HNRNPF: variants seen among roughly 807,000 people sequenced by gnomAD.
HNRNPF encodes the protein HnRNP F protein.
In HNRNPF, 2 loss-of-function variants were observed where a neutral mutation model predicts 26.0. The ratio of observed to expected loss-of-function variants is 0.08; its 90% CI spans 0.03 to 0.24. HNRNPF has a LOEUF of 0.24. HNRNPF is among the 10% of genes least tolerant of loss of function. The pLI, the probability that HNRNPF is intolerant of heterozygous loss-of-function variation, is 1.00. For synonymous variants in HNRNPF, 234 were observed against 211.5 expected (o/e 1.11, Z -0.92); for missense variants, 299 against 539.2 (o/e 0.55, Z 4.41).
intron 1 of HNRNPF, among the ~76,000 whole-genome samples, chr10:43,400,591 T>A (rs1464071670): frequency 1.3e-5 from 2 of 152,210 alleles, no homozygotes; most frequent in East Asian, 3.8e-4. Flanking sequence ...CCAGCAATTT[T>A]ATAAAATTCC....
rs151043426 is a variant in HNRNPF at position 43,386,982 on chromosome 10, G to C, written c.903C>G (p.Thr301=). The change falls in exon 4 of 4, where the codon ACC becomes ACG. Residue 301 remains threonine (T), a synonymous_variant. Coordinates refer to ENST00000682386, the MANE Select transcript of HNRNPF (RefSeq NM_001098204.2). The part of the protein sequence containing the change: ...VHMRGLPYKA[T]ENDIYNFFSP... ...AGAAGAAGTTGTAAATGTCGTTCTC[G>C]GTCGCTTTGTACGGCAGGCCCCTCA... is the stretch of plus-strand genomic sequence containing the variant. 3 of 1,614,038 alleles carry C rather than the reference G, an allele frequency of 1.9e-6. No individual in the cohort carries two copies. The highest frequency in any genetic ancestry group is 2.2e-5 in the East Asian group (1 of 44,872).
intron 1 of HNRNPF, among the ~76,000 whole-genome samples, chr10:43,404,034 C>T (rs1002902813): frequency 6.6e-6 from 1 of 151,644 alleles, no homozygotes; most frequent in South Asian, 2.1e-4. Flanking sequence ...GGGTGACTCA[C>T]GCCTGTAATC....
chr10:43,386,533 A>G lies in HNRNPF; in HGVS notation c.*104T>C. 1.8e-6 allele frequency: 2 copies of G among 1,105,548 alleles called. No homozygotes were observed. The highest frequency in any genetic ancestry group is 1.2e-6 in the Non-Finnish European group (1 of 805,666). 68.5% of individuals were successfully genotyped at this position (1,105,548 alleles called of 1,614,324 possible). On this transcript the variant is annotated 3_prime_UTR_variant, in exon 4 of 4. Transcript: ENST00000682386. ...TTTAATCCAGATTTTTCACAAACTC[A>G]TGGTGCAAAATGGGTCCCCCAGCTT...
chr10:43,391,721 A>C (rs1838256727), intron 3 of HNRNPF, among the ~76,000 whole-genome samples: 1 of 152,154 alleles, frequency 6.6e-6, no homozygotes, highest in Non-Finnish European at 1.5e-5. Flanking sequence ...CGTGAACAAC[A>C]GCTCTGCTCT....
intron 1 of HNRNPF, among the ~76,000 whole-genome samples, chr10:43,404,964 ACAGC>A (rs1838866924): frequency 6.6e-6 from 1 of 152,224 alleles, no homozygotes; most frequent in South Asian, 2.1e-4. Flanking sequence ...ATGCTGCAAG[ACAGC>A]CCGACAAATA....
intron 1 of HNRNPF, chr10:43,397,496 CA>C (rs148374494): frequency 0.18 from 27,637 of 152,106 alleles, 2,687 homozygotes; most frequent in Non-Finnish European, 0.2. Flanking sequence ...GAGTGCCAGC[CA>C]CGGGGAAGGG....
At chr10:43,400,149 AC>A (rs1349610140) in intron 1 of HNRNPF, among the ~76,000 whole-genome samples, 3 of 152,236 alleles carry the variant, frequency 2.0e-5, no homozygotes, top group East Asian at 3.9e-4. Flanking sequence ...AGAGTTCGAG[AC>A]CAGCCTGCGC....
At chr10:43,407,921 T>G (rs1396338467) in intron 1 of HNRNPF, 30 of 152,120 alleles carry the variant, frequency 2.0e-4, no homozygotes, top group Admixed American at 1.9e-3. Context: ...TACTCAGGTA[T>G]TATTACTATT....
intron 2 of HNRNPF, among the ~76,000 whole-genome samples, chr10:43,395,183 G>A (rs1346092142): frequency 6.6e-6 from 1 of 152,112 alleles, no homozygotes; most frequent in African/African-American, 2.4e-5. Flanking sequence ...GACAACCACA[G>A]GGGACTTGAC....
In HNRNPF at chr10:43,386,717, T is replaced by C. The variant is rs1554788471; in HGVS notation, c.1168A>G (p.Ser390Gly). The change falls in exon 4 of 4, where the codon AGT (serine) becomes GGT (glycine). Residue 390 changes from serine to glycine, a missense_variant. Coordinates refer to ENST00000682386, the MANE Select transcript of HNRNPF (RefSeq NM_001098204.2). ...MGVSAAQATYSGLESQSVSGC... is the reference protein window; with the variant it reads ...MGVSAAQATYGGLESQSVSGC... ...CTCACTGACTGGCTCTCCAGGCCAC[T>C]GTAAGTGGCCTGGGCAGCAGACACC... 2.5e-6 allele frequency: 4 copies of C among 1,614,056 alleles called. No homozygotes were observed. The Admixed American group carries it at 6.7e-5, about 27-fold the overall frequency.
Position 43,387,160 on chromosome 10 carries a change from C to G in HNRNPF, c.725G>C (p.Gly242Ala), listed in dbSNP as rs1342258099. The G allele has an allele frequency of 6.2e-7, 1 of 1,614,140 alleles. No homozygotes were observed. The highest frequency in any genetic ancestry group is 1.7e-5 in the Admixed American group (1 of 60,026). ...ACTGAGGCCACTGTACTCCTCGTAG[C>G]CCCCGTAGCCTGTGCTGTAGGCACC... ...RPGAYSTGYG[G>A]YEEYSGLSDG... Residue 242 changes from glycine (G) to alanine (A), a missense_variant, in exon 4 of 4, where the codon GGC becomes GCC. Physicochemically the swap from Gly to Ala is moderately conservative, Grantham distance 60. Transcript: ENST00000682386. The surrounding 1 kb of genome is among the most constrained non-coding windows in gnomAD (Gnocchi z 6.0).
rs958721663 is a variant in HNRNPF at position 43,396,526 on chromosome 10, T to C, written c.-182A>G. 4.6e-5 allele frequency: 7 copies of C among 152,256 alleles called. No individual in the cohort carries two copies. Among genetic ancestry groups the C allele is most frequent in the Admixed American group, 2.6e-4 (4 of 15,278 alleles). The allele number at this position is 152,256 out of a possible 1,614,324, so 9.4% of individuals were successfully genotyped here. On this transcript the variant is annotated 5_prime_UTR_variant, in exon 2 of 4. Transcript: ENST00000682386. ...GGCTGGCAGCCAAGAGCCCCGAAAT[T>C]CCACCGAAGCTCAACCACGCAGAGG... is the stretch of plus-strand genomic sequence containing the variant.
chr10:43,405,528 C>T (rs946983036), intron 1 of HNRNPF, among the ~76,000 whole-genome samples: 3 of 151,970 alleles, frequency 2.0e-5, no homozygotes, highest in Non-Finnish European at 4.4e-5. Context: ...TGGTGGCGGC[C>T]GCCTGTAGTC....
rs578192347 is a variant in HNRNPF at position 43,385,826 on chromosome 10, GCTAGTCAC to G, written c.*803_*810del. On this transcript the variant is annotated 3_prime_UTR_variant, in exon 4 of 4. Transcript: ENST00000682386. ...TTTGATGCTTCCCAGAATGTGTGCT[GCTAGTCAC>G]CATTTCCACCATTCACATATTTAAC... 3.1e-4 allele frequency: 48 copies of G among 152,436 alleles called. No individual in the cohort carries two copies. The East Asian group carries it at 8.1e-3, about 26-fold the overall frequency. 9.4% of individuals were successfully genotyped at this position (152,436 alleles called of 1,614,324 possible). A position where few individuals can be genotyped will look rare whatever the true frequency, so the allele number is the denominator to read the frequency against.
chr10:43,389,743 C>G (rs1838169205), intron 3 of HNRNPF, among the ~76,000 whole-genome samples: 1 of 152,150 alleles, frequency 6.6e-6, no homozygotes, highest in Non-Finnish European at 1.5e-5. Context: ...CATTTACTCA[C>G]GAACTGTGAT....
In HNRNPF at chr10:43,390,889, G is replaced by T. The variant is rs186612897; in HGVS notation, c.-52-2953C>A. On this transcript the variant is annotated intron_variant, in intron 3 of 3. Coordinates refer to ENST00000682386, the MANE Select transcript of HNRNPF (RefSeq NM_001098204.2). Reference sequence around the variant, plus strand: ...CTGTAGGATGTTTAGCTGCATCCCTGGTCTCTGCCCACTAGATGCCAGTAG... The same window carrying T: ...CTGTAGGATGTTTAGCTGCATCCCTTGTCTCTGCCCACTAGATGCCAGTAG... 3.3e-5 allele frequency among the ~76,000 whole-genome samples: 5 copies of T among 152,102 alleles called. No homozygotes were observed. In the East Asian group the frequency reaches 9.7e-4, roughly 29 times the overall value.
In HNRNPF at chr10:43,388,966, ATTTTT is replaced by A. The variant is rs141503011; in HGVS notation, c.-52-1035_-52-1031del. ...CAAAAAGAGCATAGGAGTATATGGA[ATTTTT>A]TTTTTTTTTTTTTTTTTTGAGACAA... is the stretch of plus-strand genomic sequence containing the variant. On this transcript the variant is annotated intron_variant, in intron 3 of 3. Coordinates refer to ENST00000682386, the MANE Select transcript of HNRNPF (RefSeq NM_001098204.2). Among the ~76,000 whole-genome samples, 81 of 127,074 alleles carry A rather than the reference ATTTTT, an allele frequency of 6.4e-4. 1 individual carries two copies. Among genetic ancestry groups the A allele is most frequent in the African/African-American group, 2.2e-3 (70 of 32,504 alleles). 83.4% of individuals were successfully genotyped at this position (127,074 alleles called of 152,430 possible).
chr10:43,395,536 A>C (rs1199554011), intron 2 of HNRNPF, among the ~76,000 whole-genome samples: 1 of 152,194 alleles, frequency 6.6e-6, no homozygotes, highest in East Asian at 1.9e-4. Flanking sequence ...AAGATAATCA[A>C]ATCTGCCTTG....
chr10:43,397,843 T>C (rs908151759), intron 1 of HNRNPF, among the ~76,000 whole-genome samples: 2 of 152,178 alleles, frequency 1.3e-5, no homozygotes, highest in Non-Finnish European at 2.9e-5. Flanking sequence ...AAAGACCCTT[T>C]TTAGAGCCAC....
Sources: allele counts gnomAD v4.1 joint callset (sites outside exome capture counted in the v4.1 genomes callset), GRCh38; gene constraint gnomAD v4.1.1; non-coding constraint Gnocchi (gnomAD v3.1); transcripts MANE v1.5; gene names NCBI Gene and HGNC (gene_info 2026-07-23, HGNC 2026-07-21).